The following SLC45A1 variants were observed in gnomAD, a reference collection of about 807,000 sequenced individuals.
The protein encoded by SLC45A1 is solute carrier family 45 member 1, also known as proton-associated sugar transporter A.
SLC45A1 carries 28 observed loss-of-function variants against 57.6 expected under a neutral mutation model. The observed-to-expected ratio is 0.49, with a 90% confidence interval of 0.36 to 0.67. The LOEUF is 0.67. Ranked by LOEUF, SLC45A1 falls within the 30% of genes least tolerant of loss-of-function variation. The probability of loss-of-function intolerance (pLI) is 0.00; values close to 1 mark genes in which losing one functional copy is unlikely to be tolerated. For synonymous variants in SLC45A1, 459 were observed against 471.5 expected (o/e 0.97, Z 0.34); for missense variants, 814 against 1,041.5 (o/e 0.78, Z 3.01).
At chr1:8,339,764 C>T in intron 8 of SLC45A1, 66 bp downstream of exon 8, 4 of 1,416,408 alleles carry the variant, frequency 2.8e-6, no homozygotes, top group Non-Finnish European at 4.0e-6. Flanking sequence ...AGAACTGTCC[C>T]CCAGGACCAG....
intron 8 of SLC45A1, among the ~76,000 whole-genome samples, chr1:8,341,654 A>G (rs1640822230): frequency 6.7e-6 from 1 of 149,530 alleles, no homozygotes; most frequent in Non-Finnish European, 1.5e-5. Flanking sequence ...CAAACGCAGT[A>G]GCTCACGCCC....
chr1:8,320,918 G>C lies in SLC45A1; in HGVS notation c.-25+2732G>C, dbSNP rs552290649. ...GAGGCTGGGCAGAGGGACAGAAAGGGAGATGGCCACTGAGAGCATACGTGG... is the reference window on the plus strand; with the variant it reads ...GAGGCTGGGCAGAGGGACAGAAAGGCAGATGGCCACTGAGAGCATACGTGG... On this transcript the variant is annotated intron_variant, in intron 1 of 8. Coordinates refer to ENST00000471889, the MANE Select transcript of SLC45A1 (RefSeq NM_001080397.3). Among the ~76,000 whole-genome samples the C allele has an allele frequency of 1.8e-4, 27 of 152,314 alleles. No homozygotes were observed. The South Asian group carries it at 5.4e-3, about 30-fold the overall frequency.
Position 8,318,119 on chromosome 1 carries a change from AGCCGGGACCGCG to A in SLC45A1, c.-85_-74del. 2.1e-6 allele frequency: 1 copy of A among 476,174 alleles called. No individual in the cohort carries two copies. The allele number at this position is 476,174 out of a possible 1,614,324, so 29.5% of individuals were successfully genotyped here. ...GCCCCGCCCCGGGTGATGCTGCAGC[AGCCGGGACCGCG>A]GCCGGGCAGGCAGCAGCCCAGCGGG... On this transcript the variant is annotated 5_prime_UTR_variant, in exon 1 of 9. Transcript: ENST00000471889.
At chr1:8,322,606 A>T (rs1640067880) in intron 1 of SLC45A1, among the ~76,000 whole-genome samples, 2 of 152,102 alleles carry the variant, frequency 1.3e-5, no homozygotes, top group Admixed American at 1.3e-4. Context: ...GTGATTCATA[A>T]ATAATTTATT....
intron 5 of SLC45A1, among the ~76,000 whole-genome samples, chr1:8,334,969 G>A (rs950997553): frequency 2.1e-4 from 32 of 152,174 alleles, no homozygotes; most frequent in Admixed American, 1.6e-3. Flanking sequence ...GGGCAGGGCC[G>A]CCCTGTCTTC....
At position 8,325,255 on chromosome 1, in the gene SLC45A1, C is replaced by G; in HGVS notation, c.398-43C>G. 1 of 1,309,864 alleles carries G rather than the reference C, an allele frequency of 7.6e-7. No individual in the cohort carries two copies. The highest frequency in any genetic ancestry group is 1.9e-4 in the Middle Eastern group (1 of 5,270). The allele number at this position is 1,309,864 out of a possible 1,614,324, so 81.1% of individuals were successfully genotyped here. A position where few individuals can be genotyped will look rare whatever the true frequency, so the allele number is the denominator to read the frequency against. ...GAGGCTGATTCGATGTCCCCATGTGCCATGGGGACCCTGGCAATGACCGCT... is the reference window on the plus strand; with the variant it reads ...GAGGCTGATTCGATGTCCCCATGTGGCATGGGGACCCTGGCAATGACCGCT... On this transcript the variant is annotated intron_variant, in intron 2 of 8. Coordinates refer to ENST00000471889, the MANE Select transcript of SLC45A1 (RefSeq NM_001080397.3). The surrounding 1 kb of genome is among the most constrained non-coding windows in gnomAD (Gnocchi z 6.3).
chr1:8,340,165 CTTTT>C (rs113004016), intron 8 of SLC45A1, among the ~76,000 whole-genome samples: 2 of 141,864 alleles, frequency 1.4e-5, no homozygotes, highest in Non-Finnish European at 1.5e-5. Flanking sequence ...TTCTTTCTTT[CTTTT>C]TTTTTTTTTT....
At chr1:8,319,051 C>A (rs1557555611) in intron 1 of SLC45A1, among the ~76,000 whole-genome samples, 1 of 152,140 alleles carries the variant, frequency 6.6e-6, no homozygotes, top group Non-Finnish European at 1.5e-5. Flanking sequence ...GAGGCTGAGT[C>A]GGGTGGATCA....
At position 8,325,138 on chromosome 1, in the gene SLC45A1, T is replaced by C. The variant is rs1374338639; in HGVS notation, c.398-160T>C. Among the ~76,000 whole-genome samples, 1 of 152,138 alleles carries C rather than the reference T, an allele frequency of 6.6e-6. No homozygotes were observed. The highest frequency in any genetic ancestry group is 6.5e-5 in the Admixed American group (1 of 15,278). ...ATCCCCAGAGTCTGCTGAGCTTTGG[T>C]TTCCGAGTTCAGGGTTTTGTCACTG... is the stretch of plus-strand genomic sequence containing the variant. On this transcript the variant is annotated intron_variant, in intron 2 of 8. Transcript: ENST00000471889. The surrounding 1 kb of genome is among the most constrained non-coding windows in gnomAD (Gnocchi z 6.3).
rs1640338150 is a variant in SLC45A1, at chr1:8,330,160, G to A, written c.716-49G>A. On this transcript the variant is annotated intron_variant, in intron 4 of 8. Coordinates refer to ENST00000471889, the MANE Select transcript of SLC45A1 (RefSeq NM_001080397.3). This position sits in a 1 kb window ranked among gnomAD's most constrained non-coding sequence, Gnocchi z 8.4. The stretch of plus-strand genomic sequence containing the variant: ...TCTAAGAACGGGGCCACCGCGTTTG[G>A]GGCTTCTCCTCCCGCAGAAGGGAAC... The A allele has an allele frequency of 6.3e-7, 1 of 1,588,110 alleles. No individual in the cohort carries two copies. Among genetic ancestry groups the A allele is most frequent in the Non-Finnish European group, 8.6e-7 (1 of 1,166,808 alleles).
Position 8,318,126 on chromosome 1 carries a change from ACCGCGG to A in SLC45A1, c.-81_-76del. ...CCCGGGTGATGCTGCAGCAGCCGGG[ACCGCGG>A]CCGGGCAGGCAGCAGCCCAGCGGGG... is the stretch of plus-strand genomic sequence containing the variant. On this transcript the variant is annotated 5_prime_UTR_variant, in exon 1 of 9. Coordinates refer to ENST00000471889, the MANE Select transcript of SLC45A1 (RefSeq NM_001080397.3). The A allele has an allele frequency of 2.1e-6, 1 of 473,070 alleles. No individual in the cohort carries two copies. Among genetic ancestry groups the A allele is most frequent in the Non-Finnish European group, 3.8e-6 (1 of 260,478 alleles). The allele number at this position is 473,070 out of a possible 1,614,324, so 29.3% of individuals were successfully genotyped here.
At chr1:8,324,942 C>T (rs988462201) in intron 2 of SLC45A1, among the ~76,000 whole-genome samples, 2 of 152,148 alleles carry the variant, frequency 1.3e-5, no homozygotes, top group Non-Finnish European at 2.9e-5. Flanking sequence ...TAGCAGCTCC[C>T]CGAGGGCTGA....
chr1:8,322,016 T>TGGGC (rs1163650121), intron 1 of SLC45A1, among the ~76,000 whole-genome samples: 1 of 46,834 alleles, frequency 2.1e-5, no homozygotes. Flanking sequence ...GATGGATGGA[T>TGGGC]GGATGGATGG....
chr1:8,324,536 G>A lies in SLC45A1; in HGVS notation c.207G>A (p.Pro69=), dbSNP rs751399838. 31 of 945,490 alleles carry A rather than the reference G, an allele frequency of 3.3e-5. No individual in the cohort carries two copies. Among genetic ancestry groups the A allele is most frequent in the African/African-American group, 1.2e-4 (6 of 50,534 alleles). The allele number at this position is 945,490 out of a possible 1,614,324, so 58.6% of individuals were successfully genotyped here. The part of the protein sequence containing the change: ...SPPPPPNTPC[P]LELVDFGDLH... ...CCCCGCCCCCCAACACCCCGTGCCC[G>A]CTTGAGCTGGTGGACTTCGGGGACC... Residue 69 remains proline (P), a synonymous_variant, in exon 2 of 9, where the codon CCG becomes CCA. Transcript: ENST00000471889.
rs372778417 is a variant in SLC45A1, at chr1:8,324,683, C to T, written c.354C>T (p.Pro118=). 69 of 1,594,508 alleles carry T rather than the reference C, an allele frequency of 4.3e-5. No homozygotes were observed. The highest frequency in any genetic ancestry group is 5.4e-5 in the Non-Finnish European group (63 of 1,170,774). ...CGGTGCTCCTGCAGATGGGCCTGCC[C>T]GACCAGCTCTACAGCCTGGTGTGGT... The part of the protein sequence containing the change: ...VTPVLLQMGL[P]DQLYSLVWFI... The change falls in exon 2 of 9, where the codon CCC becomes CCT. Residue 118 remains proline, a synonymous_variant. Coordinates refer to ENST00000471889, the MANE Select transcript of SLC45A1 (RefSeq NM_001080397.3).
In SLC45A1 at chr1:8,325,729, G is replaced by A. The variant is rs776248472; in HGVS notation, c.491-89G>A. The A allele has an allele frequency of 1.1e-3, 1,333 of 1,238,240 alleles. 1 individual carries two copies. Among genetic ancestry groups the A allele is most frequent in the Non-Finnish European group, 1.0e-3 (907 of 881,598 alleles). The allele number at this position is 1,238,240 out of a possible 1,614,324, so 76.7% of individuals were successfully genotyped here. A position where few individuals can be genotyped will look rare whatever the true frequency, so the allele number is the denominator to read the frequency against. On this transcript the variant is annotated intron_variant, in intron 3 of 8. Coordinates refer to ENST00000471889, the MANE Select transcript of SLC45A1 (RefSeq NM_001080397.3). This position sits in a 1 kb window ranked among gnomAD's most constrained non-coding sequence, Gnocchi z 6.3. ...AGGTTTAAGTTTTAAAAATTCTTGA[G>A]TCCTAAAGATTCTAGACATAAGTCG...
At position 8,330,460 on chromosome 1, in the gene SLC45A1, G is replaced by A; in HGVS notation, c.967G>A (p.Gly323Ser). ...ACCCGTCCTGCCAGAGGAAGGCCCT[G>A]GCGACAGCCTCCCGTCGCACACGGC... ...SPPVLPEEGP[G>S]DSLPSHTATN... is the part of the protein sequence containing the mutation. Residue 323 changes from glycine to serine, a missense_variant, in exon 5 of 9, where the codon GGC (glycine) becomes AGC (serine). Transcript: ENST00000471889. This position sits in a 1 kb window ranked among gnomAD's most constrained non-coding sequence, Gnocchi z 8.4. 6.2e-7 allele frequency: 1 copy of A among 1,611,972 alleles called. No individual in the cohort carries two copies. Among genetic ancestry groups the A allele is most frequent in the Non-Finnish European group, 8.5e-7 (1 of 1,179,424 alleles).
chr1:8,323,557 G>T (rs1231931879), intron 1 of SLC45A1, among the ~76,000 whole-genome samples: 1 of 151,600 alleles, frequency 6.6e-6, no homozygotes, highest in Non-Finnish European at 1.5e-5. Context: ...AGCTCTCCCT[G>T]GTTCTGTCCC....
chr1:8,322,459 G>A (rs1348549281), intron 1 of SLC45A1, among the ~76,000 whole-genome samples: 2 of 150,738 alleles, frequency 1.3e-5, no homozygotes, highest in Non-Finnish European at 3.0e-5. Flanking sequence ...TTAACACAGT[G>A]TTCTTTATCC....
Sources: gnomAD v4.1 joint callset for allele counts (sites outside exome capture counted in the v4.1 genomes callset) on GRCh38, gnomAD v4.1.1 for gene constraint, Gnocchi (gnomAD v3.1) non-coding constraint, MANE v1.5 for transcripts, NCBI Gene and HGNC (gene_info 2026-07-23, HGNC 2026-07-21) for gene names.